The following FREM1 variants were observed in gnomAD, a reference collection of about 807,000 sequenced individuals.
FREM1 encodes the protein FRAS1 related extracellular matrix 1, also known as FRAS1-related extracellular matrix protein 1.
Under a neutral mutation model 210.1 loss-of-function variants are expected in FREM1, and 220 were observed. That is an observed-to-expected ratio of 1.05 (90% CI 0.94 to 1.17). The LOEUF (loss-of-function observed/expected upper bound fraction) is 1.17. Among genes scored for constraint, FREM1 ranks in the 50% most tolerant of loss-of-function variants. The pLI, the probability that FREM1 is intolerant of heterozygous loss-of-function variation, is 0.00. For missense variants in FREM1, 3,454 were observed against 2,675.5 expected (o/e 1.29, Z -6.42); for synonymous variants, 1,189 against 980.2 (o/e 1.21, Z -3.98).
chr9:14,788,854 A>T, intron 23 of FREM1, 65 bp downstream of exon 23: 1 of 1,220,798 alleles, frequency 8.2e-7, no homozygotes, highest in South Asian at 1.6e-5. Context: ...GAAAGAAACG[A>T]ATGTGGAATA....
In FREM1 at chr9:14,737,401, G is replaced by A; in HGVS notation, c.6535C>T (p.Leu2179Phe). The change falls in exon 37 of 37, where the codon CTC becomes TTC. Residue 2179 changes from leucine to phenylalanine, a missense_variant. Transcript: ENST00000380880. ...CCCTGTAGGGTCTGTTATATTTAGA[G>A]TTTTCTGGAACACACATAATTATGA... Reference protein sequence around the residue: ...KPHNYVCSRKL With the variant: ...KPHNYVCSRKF The A allele has an allele frequency of 6.2e-7, 1 of 1,613,194 alleles. No individual in the cohort carries two copies. Among genetic ancestry groups the A allele is most frequent in the Non-Finnish European group, 8.5e-7 (1 of 1,179,452 alleles).
In FREM1 at chr9:14,818,733, G is replaced by A. The variant is rs551774393; in HGVS notation, c.2546+501C>T. Among the ~76,000 whole-genome samples, 196 of 152,216 alleles carry A rather than the reference G, an allele frequency of 1.3e-3. No individual in the cohort carries two copies. The Middle Eastern group carries it at 0.027, about 21-fold the overall frequency. On this transcript the variant is annotated intron_variant, in intron 14 of 36. Coordinates refer to ENST00000380880, the MANE Select transcript of FREM1 (RefSeq NM_001379081.2). ...GTTGGAGACTCAAGTATTAGTTTAC[G>A]CCCTGCCTACTCAGCTCACCCTGCT...
intron 8 of FREM1, among the ~76,000 whole-genome samples, chr9:14,845,030 G>T (rs1381399767): frequency 6.6e-6 from 1 of 152,154 alleles, no homozygotes; most frequent in Non-Finnish European, 1.5e-5. Context: ...TTTTGTTTTT[G>T]ATTCCAGAAT....
Position 14,812,897 on chromosome 9 carries a change from A to C in FREM1, c.2808T>G (p.His936Gln). 1 of 1,613,820 alleles carries C rather than the reference A, an allele frequency of 6.2e-7. No individual in the cohort carries two copies. The highest frequency in any genetic ancestry group is 8.5e-7 in the Non-Finnish European group (1 of 1,179,786). Reference protein sequence around the residue: ...LMFVIAREPQHGVVRRAGVTV... With the variant: ...LMFVIAREPQQGVVRRAGVTV... ...TGACTCCAGCTCTCCTCACCACCCC[A>C]TGCTGAGGTTCGCGAGCAATCACAA... The change falls in exon 16 of 37, where the codon CAT becomes CAG. Residue 936 changes from histidine to glutamine, a missense_variant. Transcript: ENST00000380880.
intron 22 of FREM1, 98 bp downstream of exon 22, chr9:14,792,645 G>T: frequency 1.1e-6 from 1 of 915,458 alleles, no homozygotes. Flanking sequence ...GCAAATATAT[G>T]TCTATCAGAG....
At chr9:14,868,270 C>T (rs1019271115) in intron 2 of FREM1, among the ~76,000 whole-genome samples, 4 of 152,180 alleles carry the variant, frequency 2.6e-5, no homozygotes, top group Non-Finnish European at 4.4e-5. Context: ...GCAGGAATAA[C>T]TCCAATGTAA....
At chr9:14,808,563 C>T (rs1432982657) in intron 16 of FREM1, among the ~76,000 whole-genome samples, 1 of 152,284 alleles carries the variant, frequency 6.6e-6, no homozygotes, top group South Asian at 2.1e-4. Flanking sequence ...CTTAAATGAA[C>T]AACCATCAAC....
At position 14,845,957 on chromosome 9, in the gene FREM1, C is replaced by T. The variant is rs997343707; in HGVS notation, c.1393+3G>A. ...TGCTAGGTTACCAAGTTGGATCATTCACCTCTTAAAGTCAGCCATCCATGC... is the reference window on the plus strand; with the variant it reads ...TGCTAGGTTACCAAGTTGGATCATTTACCTCTTAAAGTCAGCCATCCATGC... On this transcript the variant is annotated splice_donor_region_variant and intron_variant, in intron 8 of 36. Coordinates refer to ENST00000380880, the MANE Select transcript of FREM1 (RefSeq NM_001379081.2). The T allele has an allele frequency of 3.7e-6, 6 of 1,613,222 alleles. No individual in the cohort carries two copies. In the African/African-American group the frequency reaches 8.0e-5, roughly 22 times the overall value.
At position 14,819,230 on chromosome 9, in the gene FREM1, T is replaced by C. The variant is rs754280576; in HGVS notation, c.2546+4A>G. 1.3e-6 allele frequency: 2 copies of C among 1,595,132 alleles called. No individual in the cohort carries two copies. The highest frequency in any genetic ancestry group is 2.2e-5 in the South Asian group (2 of 89,158). On this transcript the variant is annotated splice_donor_region_variant and intron_variant, in intron 14 of 36. Transcript: ENST00000380880. The stretch of plus-strand genomic sequence containing the variant: ...TAAATAAAAAAACCATGAAATGTTC[T>C]AACCTAACTTTTAAGGTATGGAGAT...
At chr9:14,768,194 G>A (rs1356332255) in intron 27 of FREM1, among the ~76,000 whole-genome samples, 2 of 151,824 alleles carry the variant, frequency 1.3e-5, no homozygotes, top group East Asian at 1.9e-4. Flanking sequence ...CACACATGGA[G>A]GACAAGAGGT....
intron 23 of FREM1, among the ~76,000 whole-genome samples, chr9:14,788,573 C>T (rs997452946): frequency 1.3e-5 from 2 of 152,204 alleles, no homozygotes; most frequent in South Asian, 2.1e-4. Context: ...TAGATCACTT[C>T]CTGAAGATAA....
Position 14,819,447 on chromosome 9 carries a change from AAAG to A in FREM1, c.2338-8_2338-6del, listed in dbSNP as rs1211275620. ...TTTCAGAGGGTTGGTGAACGCCTAG[AAAG>A]AAGAAAGGAAGGAAACATTCAAAGC... On this transcript the variant is annotated splice_polypyrimidine_tract_variant and splice_region_variant and intron_variant, in intron 13 of 36. Transcript: ENST00000380880. The A allele has an allele frequency of 1.3e-6, 2 of 1,592,730 alleles. No homozygotes were observed. The highest frequency in any genetic ancestry group is 1.3e-5 in the African/African-American group (1 of 74,644).
At chr9:14,875,726 A>G (rs1180018887) in intron 1 of FREM1, among the ~76,000 whole-genome samples, 9 of 152,192 alleles carry the variant, frequency 5.9e-5, no homozygotes, top group East Asian at 1.9e-4. Flanking sequence ...GAGGAACTGC[A>G]TTCCTTTGGA....
chr9:14,775,876 GCAGT>G lies in FREM1; in HGVS notation c.4766_4769del (p.Asp1589AlafsTer16), dbSNP rs1563897510. ...TCCCATCTGTGGCCATGAAAGTAAAGCAGTCAGTCTGGGAGTCCCCTCCTGAGTG... is the reference window on the plus strand; with the variant it reads ...TCCCATCTGTGGCCATGAAAGTAAAGCAGTCTGGGAGTCCCCTCCTGAGTG... On this transcript the variant is annotated frameshift_variant, in exon 25 of 37. Coordinates refer to ENST00000380880, the MANE Select transcript of FREM1 (RefSeq NM_001379081.2). LOFTEE classifies it high-confidence loss of function. The G allele has an allele frequency of 2.5e-6, 4 of 1,613,888 alleles. No individual in the cohort carries two copies. Among genetic ancestry groups the G allele is most frequent in the Non-Finnish European group, 3.4e-6 (4 of 1,179,790 alleles).
intron 3 of FREM1, among the ~76,000 whole-genome samples, chr9:14,863,427 C>T (rs1415299321): frequency 2.0e-5 from 3 of 150,316 alleles, no homozygotes; most frequent in African/African-American, 7.4e-5. Context: ...CAGCTGGTAA[C>T]AAAAAAGAAG....
In FREM1 at chr9:14,824,015, A is replaced by G; in HGVS notation, c.2169+10T>C. 6.5e-7 allele frequency: 1 copy of G among 1,547,862 alleles called. No homozygotes were observed. Among genetic ancestry groups the G allele is most frequent in the Non-Finnish European group, 8.8e-7 (1 of 1,132,794 alleles). On this transcript the variant is annotated intron_variant, in intron 12 of 36. Coordinates refer to ENST00000380880, the MANE Select transcript of FREM1 (RefSeq NM_001379081.2). ...ATCATGTTTGTCAGCATTTTAGCAT[A>G]TCCTCATACCTGAGTGAATGACCTC... is the stretch of plus-strand genomic sequence containing the variant.
At chr9:14,774,511 ATCTCTCTCTCTCTCTCTC>A (rs36211636) in intron 25 of FREM1, among the ~76,000 whole-genome samples, 3,716 of 136,296 alleles carry the variant, frequency 0.027, 88 homozygotes, top group African/African-American at 0.058. Flanking sequence ...CCTAAAATAA[ATCTCTCTCTCTCTCTCTC>A]TCTCTCTCTC....
At chr9:14,811,862 T>TGGCC (rs966540598) in intron 16 of FREM1, among the ~76,000 whole-genome samples, 7 of 152,144 alleles carry the variant, frequency 4.6e-5, no homozygotes, top group African/African-American at 7.2e-5. Context: ...ACCACTCACC[T>TGGCC]GGCCTTACAT....
chr9:14,857,578 T>A lies in FREM1; in HGVS notation c.803A>T (p.Asp268Val). The A allele has an allele frequency of 1.2e-6, 2 of 1,613,714 alleles. No homozygotes were observed. The highest frequency in any genetic ancestry group is 3.4e-4 in the Middle Eastern group (2 of 5,914). ...DYISIQLDLTDTRSKIVYKSE... is the reference protein window; with the variant it reads ...DYISIQLDLTVTRSKIVYKSE... Reference sequence around the variant, plus strand: ...CTTGTACACAATTTTGCTCCTGGTATCTGTGAGGTCCAGTTGGATGGAGAT... The same window carrying A: ...CTTGTACACAATTTTGCTCCTGGTAACTGTGAGGTCCAGTTGGATGGAGAT... The change falls in exon 5 of 37, where the codon GAT (aspartate) becomes GTT (valine). Residue 268 changes from aspartate (D) to valine (V), a missense_variant. Transcript: ENST00000380880.
Sources: allele counts gnomAD v4.1 joint callset (sites outside exome capture counted in the v4.1 genomes callset), GRCh38; gene constraint gnomAD v4.1.1; transcripts MANE v1.5; gene names NCBI Gene and HGNC (gene_info 2026-07-23, HGNC 2026-07-21).